The following PRR12 variants were observed in gnomAD, a reference collection of about 807,000 sequenced individuals.
PRR12 encodes proline-rich protein 12.
A neutral mutation model predicts 138.0 loss-of-function variants in PRR12; 12 were observed. The ratio of observed to expected loss-of-function variants is 0.09; its 90% CI spans 0.06 to 0.14. The LOEUF (loss-of-function observed/expected upper bound fraction) is 0.14, where lower values mean the gene tolerates loss of function less well. PRR12 is among the 10% of genes least tolerant of loss of function. PRR12 has a pLI of 1.00. For synonymous variants in PRR12, 1,567 were observed against 1,291.7 expected (o/e 1.21, Z -4.57); for missense variants, 2,692 against 2,861.3 (o/e 0.94, Z 1.35).
At chr19:49,612,648 C>G (rs1273641383) in intron 6 of PRR12, among the ~76,000 whole-genome samples, 1 of 151,940 alleles carries the variant, frequency 6.6e-6, no homozygotes, top group Non-Finnish European at 1.5e-5. Flanking sequence ...ACAAGATGCT[C>G]CAATGGCTTC....
At position 49,591,616 on chromosome 19, in the gene PRR12, CTCCCT is replaced by C; in HGVS notation, c.-38_-34del. On this transcript the variant is annotated 5_prime_UTR_variant, in exon 1 of 14. Transcript: ENST00000418929. ...GCGCGCGCGCCCCCTCCCTCCCTCC[CTCCCT>C]CCCCCTCCCCCCAATTTCCACCGCG... The C allele has an allele frequency of 3.9e-6, 2 of 510,732 alleles. No individual in the cohort carries two copies. The highest frequency in any genetic ancestry group is 7.0e-6 in the Non-Finnish European group (2 of 287,578). 31.6% of individuals were successfully genotyped at this position (510,732 alleles called of 1,614,324 possible). A position where few individuals can be genotyped will look rare whatever the true frequency, so the allele number is the denominator to read the frequency against.
intron 11 of PRR12, among the ~76,000 whole-genome samples, chr19:49,623,631 T>C (rs1568433010): frequency 7.5e-6 from 1 of 133,690 alleles, no homozygotes; most frequent in African/African-American, 2.8e-5. Context: ...GACTTTGTCT[T>C]AAAAAAAAAA....
chr19:49,595,649 AG>A lies in PRR12; in HGVS notation c.1319del (p.Gly440AlafsTer30). 1.9e-6 allele frequency: 3 copies of A among 1,603,908 alleles called. No homozygotes were observed. The highest frequency in any genetic ancestry group is 1.7e-5 in the Admixed American group (1 of 58,880). ...TGKASGAGGA[G>X]GQAYSPGQPQ... ...GGAAGGCCTCTGGGGCTGGAGGGGC[AG>A]GGGGCCAGGCTTATTCCCCCGGTCA... On this transcript the variant is annotated frameshift_variant, in exon 4 of 14. Coordinates refer to ENST00000418929, the MANE Select transcript of PRR12 (RefSeq NM_020719.3). LOFTEE classifies it high-confidence loss of function.
chr19:49,615,159 G>T (rs1264377810), intron 8 of PRR12, 150 bp downstream of exon 8: 5 of 1,223,364 alleles, frequency 4.1e-6, no homozygotes, highest in East Asian at 2.5e-5. Context: ...GACCCGGAGA[G>T]AAATAGGGAC....
At position 49,601,873 on chromosome 19, in the gene PRR12, A is replaced by G. The variant is rs760312129; in HGVS notation, c.4728A>G (p.Glu1576=). Residue 1576 remains glutamate, a synonymous_variant, in exon 6 of 14, where the codon GAA becomes GAG. Transcript: ENST00000418929. Reference sequence around the variant, plus strand: ...GTGGCGGAGAGGGCATCTTCCGGGAACGGGACGAGTTCGTCATCCGTGCTG... The same window carrying G: ...GTGGCGGAGAGGGCATCTTCCGGGAGCGGGACGAGTTCGTCATCCGTGCTG... ...GESGGEGIFR[E]RDEFVIRAED... is the part of the protein sequence containing the mutation. The G allele has an allele frequency of 1.9e-6, 3 of 1,612,510 alleles. No homozygotes were observed. In the South Asian group the frequency reaches 3.3e-5, roughly 18 times the overall value.
In PRR12 at chr19:49,596,572, T is replaced by C; in HGVS notation, c.2237T>C (p.Val746Ala). The C allele has an allele frequency of 6.2e-7, 1 of 1,602,304 alleles. No individual in the cohort carries two copies. ...GETPEGLATSVVHYGAGAKEL... is the reference protein window; with the variant it reads ...GETPEGLATSAVHYGAGAKEL... Reference sequence around the variant, plus strand: ...ACCCCCGAGGGGCTGGCCACCTCTGTTGTCCACTACGGGGCAGGCGCCAAG... The same window carrying C: ...ACCCCCGAGGGGCTGGCCACCTCTGCTGTCCACTACGGGGCAGGCGCCAAG... Residue 746 changes from valine to alanine, a missense_variant, in exon 4 of 14, where the codon GTT becomes GCT. Coordinates refer to ENST00000418929, the MANE Select transcript of PRR12 (RefSeq NM_020719.3). The surrounding 1 kb of genome is among the most constrained non-coding windows in gnomAD (Gnocchi z 5.6).
Position 49,597,077 on chromosome 19 carries a change from C to A in PRR12, c.2742C>A (p.Arg914=). Residue 914 remains arginine, a synonymous_variant, in exon 4 of 14, where the codon CGC becomes CGA. Coordinates refer to ENST00000418929, the MANE Select transcript of PRR12 (RefSeq NM_020719.3). This position sits in a 1 kb window ranked among gnomAD's most constrained non-coding sequence, Gnocchi z 6.3. ...SEGKDPAGAY[R]SPSPQGTKAP... ...GCAAGGATCCCGCAGGCGCCTACCG[C>A]AGCCCCAGCCCGCAAGGCACCAAGG... The A allele has an allele frequency of 6.4e-7, 1 of 1,552,360 alleles. No individual in the cohort carries two copies. Among genetic ancestry groups the A allele is most frequent in the Non-Finnish European group, 8.7e-7 (1 of 1,148,364 alleles).
Position 49,595,256 on chromosome 19 carries a change from C to G in PRR12, c.921C>G (p.Ala307=), listed in dbSNP as rs1456158241. The part of the protein sequence containing the change: ...SAQPPPPPPP[A]HALQHYLSCG... ...AGCCCCCACCACCCCCGCCACCAGC[C>G]CATGCGCTCCAGCACTATCTGAGCT... Residue 307 remains alanine (A), a synonymous_variant, in exon 4 of 14, where the codon GCC becomes GCG. Coordinates refer to ENST00000418929, the MANE Select transcript of PRR12 (RefSeq NM_020719.3). 3 of 1,545,472 alleles carry G rather than the reference C, an allele frequency of 1.9e-6. No individual in the cohort carries two copies. Among genetic ancestry groups the G allele is most frequent in the South Asian group, 2.4e-5 (2 of 83,920 alleles).
rs764838548 is a variant in PRR12 at position 49,625,226 on chromosome 19, G to A, written c.5964+26G>A. ...GTGAGCCCCACCCACAGCACCCATC[G>A]CCCTGGGATTCCAACCTTTCTGACT... is the stretch of plus-strand genomic sequence containing the variant. On this transcript the variant is annotated intron_variant, in intron 13 of 13. Transcript: ENST00000418929. This position sits in a 1 kb window ranked among gnomAD's most constrained non-coding sequence, Gnocchi z 5.5. The A allele has an allele frequency of 3.8e-5, 61 of 1,601,564 alleles. 1 individual carries two copies. In the South Asian group the frequency reaches 5.3e-4, roughly 14 times the overall value.
intron 4 of PRR12, 110 bp downstream of exon 4, chr19:49,598,123 G>C (rs1188875126): frequency 2.6e-6 from 3 of 1,167,998 alleles, no homozygotes; most frequent in Non-Finnish European, 3.2e-6. Context: ...GTCCAGGCTG[G>C]AGTGCAGTGG....
chr19:49,610,546 A>ATTTTTGTTTT (rs2080860597), intron 6 of PRR12, among the ~76,000 whole-genome samples: 1 of 121,652 alleles, frequency 8.2e-6, no homozygotes, highest in Non-Finnish European at 1.6e-5. Context: ...CCCTGTTCCT[A>ATTTTTGTTTT]TTTTTTTTTT....
At chr19:49,592,329 C>T (rs998071566) in intron 1 of PRR12, among the ~76,000 whole-genome samples, 1 of 152,182 alleles carries the variant, frequency 6.6e-6, no homozygotes, top group African/African-American at 2.4e-5. Flanking sequence ...AATGCCCCCA[C>T]CCCCAAAGGC....
intron 5 of PRR12, among the ~76,000 whole-genome samples, chr19:49,601,180 TAGGG>T (rs1348525014): frequency 6.6e-6 from 1 of 151,722 alleles, no homozygotes; most frequent in Non-Finnish European, 1.5e-5. Flanking sequence ...GAAGTAGAGT[TAGGG>T]AGGTGATGAT....
chr19:49,620,348 G>C lies in PRR12; in HGVS notation c.5498-4G>C. On this transcript the variant is annotated splice_region_variant and splice_polypyrimidine_tract_variant and intron_variant, in intron 9 of 13. Transcript: ENST00000418929. ...AACGAGCCTGCGTCCTGTCTTTTCT[G>C]CAGAGCGGGCAGTACCTGGGCGTCT... 6.2e-7 allele frequency: 1 copy of C among 1,612,994 alleles called. No individual in the cohort carries two copies. Among genetic ancestry groups the C allele is most frequent in the South Asian group, 1.1e-5 (1 of 90,798 alleles).
At chr19:49,617,305 G>A (rs568557342) in intron 9 of PRR12, among the ~76,000 whole-genome samples, 48 of 151,984 alleles carry the variant, frequency 3.2e-4, no homozygotes, top group Non-Finnish European at 2.5e-4. Context: ...AATAAACCCC[G>A]TGAGATAGCT....
intron 6 of PRR12, among the ~76,000 whole-genome samples, chr19:49,602,377 G>A (rs1325288637): frequency 1.3e-5 from 2 of 152,168 alleles, no homozygotes; most frequent in Non-Finnish European, 2.9e-5. Context: ...ACTACCTGCA[G>A]ATACACACTT....
Position 49,625,941 on chromosome 19 carries a change from A to C in PRR12, c.*334A>C. The C allele has an allele frequency of 5.7e-6, 1 of 174,868 alleles. No individual in the cohort carries two copies. Among genetic ancestry groups the C allele is most frequent in the Non-Finnish European group, 1.2e-5 (1 of 84,974 alleles). 10.8% of individuals were successfully genotyped at this position (174,868 alleles called of 1,614,324 possible). ...CCCCCGCCCCCTCCACCTTGTACAT[A>C]ATGTATAGGAAAAGTCTATGTATGG... is the stretch of plus-strand genomic sequence containing the variant. On this transcript the variant is annotated 3_prime_UTR_variant, in exon 14 of 14. Coordinates refer to ENST00000418929, the MANE Select transcript of PRR12 (RefSeq NM_020719.3). This position sits in a 1 kb window ranked among gnomAD's most constrained non-coding sequence, Gnocchi z 5.5.
At chr19:49,598,296 G>A (rs2080789444) in intron 4 of PRR12, among the ~76,000 whole-genome samples, 2 of 151,848 alleles carry the variant, frequency 1.3e-5, no homozygotes, top group African/African-American at 4.8e-5. Context: ...GGATGGTCTC[G>A]ATCTCCTGGC....
intron 6 of PRR12, among the ~76,000 whole-genome samples, chr19:49,603,165 A>G (rs1174180992): frequency 6.6e-6 from 1 of 152,242 alleles, no homozygotes; most frequent in African/African-American, 2.4e-5. Context: ...TCACTGGACA[A>G]ATAGAGTTGG....
Sources: allele counts gnomAD v4.1 joint callset (sites outside exome capture counted in the v4.1 genomes callset), GRCh38; gene constraint gnomAD v4.1.1; non-coding constraint Gnocchi (gnomAD v3.1); transcripts MANE v1.5; gene names NCBI Gene and HGNC (gene_info 2026-07-23, HGNC 2026-07-21).